NAAA: variants seen among roughly 807,000 people sequenced by gnomAD.
The protein encoded by NAAA is N-acylethanolamine acid amidase.
NAAA carries 39 observed loss-of-function variants against 44.8 expected under a neutral mutation model. That is an observed-to-expected ratio of 0.87 (90% CI 0.67 to 1.14). NAAA has a LOEUF of 1.14. NAAA is among the 50% of genes most tolerant of loss of function. The pLI, the probability that NAAA is intolerant of heterozygous loss-of-function variation, is 0.00. For missense variants in NAAA, 460 were observed against 467.8 expected, an observed-to-expected ratio of 0.98 and a Z score of 0.15; for synonymous variants, 178 against 191.3, an observed-to-expected ratio of 0.93 and a Z score of 0.58.
chr4:75,915,211 G>A (rs529016944), intron 9 of NAAA, among the ~76,000 whole-genome samples: 3 of 152,192 alleles, frequency 2.0e-5, no homozygotes. Flanking sequence ...TAATTAGCTG[G>A]GTGTGGTGGT....
In NAAA at chr4:75,940,981, C is replaced by A; in HGVS notation, c.-32G>T. ...GGCTCCAGCGGCCGCAACTTGGAGACCTGCAGCCGCTGTCGGAGCCCGGGT... is the reference window on the plus strand; with the variant it reads ...GGCTCCAGCGGCCGCAACTTGGAGAACTGCAGCCGCTGTCGGAGCCCGGGT... On this transcript the variant is annotated 5_prime_UTR_variant, in exon 1 of 11. Transcript: ENST00000286733. 6.9e-7 allele frequency: 1 copy of A among 1,442,954 alleles called. No individual in the cohort carries two copies. The highest frequency in any genetic ancestry group is 9.0e-7 in the Non-Finnish European group (1 of 1,108,944). 89.4% of individuals were successfully genotyped at this position (1,442,954 alleles called of 1,614,324 possible). A position where few individuals can be genotyped will look rare whatever the true frequency, so the allele number is the denominator to read the frequency against.
At chr4:75,938,371 G>A (rs1371023379) in intron 2 of NAAA, among the ~76,000 whole-genome samples, 1 of 152,224 alleles carries the variant, frequency 6.6e-6, no homozygotes, top group African/African-American at 2.4e-5. Flanking sequence ...TCCAACAGAT[G>A]AGGGTAAAAA....
chr4:75,919,586 C>T, intron 8 of NAAA: 1 of 407,066 alleles, frequency 2.5e-6, no homozygotes, highest in East Asian at 4.6e-5. Context: ...ACACGCCATT[C>T]TCCTGCCTCA....
At chr4:75,918,616 G>C in intron 9 of NAAA, 145 bp downstream of exon 9, 1 of 729,626 alleles carries the variant, frequency 1.4e-6, no homozygotes, top group Non-Finnish European at 2.4e-6. Flanking sequence ...TTTGCTCGCA[G>C]CTGTACCCAC....
intron 3 of NAAA, among the ~76,000 whole-genome samples, chr4:75,934,609 G>A (rs1727549631): frequency 6.6e-6 from 1 of 151,838 alleles, no homozygotes; most frequent in African/African-American, 2.4e-5. Context: ...TTACAGGCGT[G>A]AGCCACCGCG....
rs190837755 is a variant in NAAA, at chr4:75,934,009, G to A, written c.498+2100C>T. On this transcript the variant is annotated intron_variant, in intron 3 of 10. Transcript: ENST00000286733. ...CGCGCCACTGCACTCCAGCCTGGGT[G>A]ATAGAGCGAGACTCTGTCTCAAAAA... is the stretch of plus-strand genomic sequence containing the variant. 6.5e-3 allele frequency among the ~76,000 whole-genome samples: 988 copies of A among 151,254 alleles called. 6 individuals carry two copies. Among genetic ancestry groups the A allele is most frequent in the African/African-American group, 0.02 (832 of 41,224 alleles).
chr4:75,937,787 C>CA (rs1206263157), intron 2 of NAAA, among the ~76,000 whole-genome samples: 1 of 152,214 alleles, frequency 6.6e-6, no homozygotes, highest in Non-Finnish European at 1.5e-5. Flanking sequence ...TGTGGCCGGC[C>CA]ACCCTCCAAG....
intron 2 of NAAA, among the ~76,000 whole-genome samples, chr4:75,936,919 A>G (rs1415325844): frequency 2.0e-5 from 3 of 152,354 alleles, no homozygotes; most frequent in East Asian, 3.9e-4. Flanking sequence ...AGTATGTCCA[A>G]TACCAGAGGG....
At chr4:75,914,734 G>C (rs1436131623) in intron 10 of NAAA, 134 bp downstream of exon 10, 3 of 596,208 alleles carry the variant, frequency 5.0e-6, no homozygotes, top group African/African-American at 3.7e-5. Flanking sequence ...ATGACAATCT[G>C]ACACAAATGA....
rs753547277 is a variant in NAAA, at chr4:75,939,996, C to T, written c.371+5G>A. On this transcript the variant is annotated splice_donor_5th_base_variant and intron_variant, in intron 2 of 10. Coordinates refer to ENST00000286733, the MANE Select transcript of NAAA (RefSeq NM_014435.4). The stretch of plus-strand genomic sequence containing the variant: ...CGTTACTCCGCGCGGGCTTGGGGCA[C>T]TCACACGGAGGACTCGTAGGCCAGG... 2 of 1,613,378 alleles carry T rather than the reference C, an allele frequency of 1.2e-6. No individual in the cohort carries two copies. The highest frequency in any genetic ancestry group is 1.1e-5 in the South Asian group (1 of 91,070).
chr4:75,939,633 TC>T (rs1207393360), intron 2 of NAAA: 1 of 197,078 alleles, frequency 5.1e-6, no homozygotes, highest in Non-Finnish European at 1.1e-5. Flanking sequence ...GCCAGGCTGA[TC>T]TCGAACTCCT....
chr4:75,939,414 ATTTTTTTTTTT>A (rs377331355), intron 2 of NAAA, among the ~76,000 whole-genome samples: 5 of 137,308 alleles, frequency 3.6e-5, no homozygotes, highest in Non-Finnish European at 6.3e-5. Context: ...TTTGAGCAGA[ATTTTTTTTTTT>A]TTTTTTTTGA....
At chr4:75,930,291 T>C (rs1055893971) in intron 4 of NAAA, among the ~76,000 whole-genome samples, 1 of 152,124 alleles carries the variant, frequency 6.6e-6, no homozygotes, top group Non-Finnish European at 1.5e-5. Flanking sequence ...CTAAATGGTG[T>C]TCCCCTGAGA....
At chr4:75,929,645 G>A (rs1429218183) in intron 4 of NAAA, among the ~76,000 whole-genome samples, 1 of 152,100 alleles carries the variant, frequency 6.6e-6, no homozygotes, top group African/African-American at 2.4e-5. Context: ...TGTGGTTTGG[G>A]TACCACAGGT....
In NAAA at chr4:75,940,015, G is replaced by T. The variant is rs544480483; in HGVS notation, c.357C>A (p.Ala119=). 1.1e-5 allele frequency: 18 copies of T among 1,613,930 alleles called. No individual in the cohort carries two copies. The East Asian group carries it at 3.8e-4, about 34-fold the overall frequency. The change falls in exon 2 of 11, where the codon GCC becomes GCA. Residue 119 remains alanine (A), a synonymous_variant. Transcript: ENST00000286733. ...SLADCLLVNL[A]YESSVFCTSI... ...GGGGCACTCACACGGAGGACTCGTA[G>T]GCCAGGTTGACCAGAAGGCAGTCCG...
chr4:75,918,716 G>A (rs775049348), intron 9 of NAAA, 45 bp downstream of exon 9: 8 of 1,597,990 alleles, frequency 5.0e-6, no homozygotes, highest in South Asian at 1.1e-5. Context: ...TGAGTTCACT[G>A]TTCTGGAGTG....
At position 75,921,096 on chromosome 4, in the gene NAAA, C is replaced by G; in HGVS notation, c.694G>C (p.Ala232Pro). Residue 232 changes from alanine to proline, a missense_variant, in exon 6 of 11, where the codon GCA becomes CCA. By Grantham distance (27) the Ala-to-Pro change is conservative (BLOSUM62 -1). Coordinates refer to ENST00000286733, the MANE Select transcript of NAAA (RefSeq NM_014435.4). Reference sequence around the variant, plus strand: ...GTCTTGGCCAACTTGCCAACAGCTGCTTCGAAGTTTTCCGACTCACTCAGG... The same window carrying G: ...GTCTTGGCCAACTTGCCAACAGCTGGTTCGAAGTTTTCCGACTCACTCAGG... ...ATLSESENFEAAVGKLAKTPL... is the reference protein window; with the variant it reads ...ATLSESENFEPAVGKLAKTPL... The G allele has an allele frequency of 1.3e-6, 2 of 1,583,992 alleles. No homozygotes were observed. Among genetic ancestry groups the G allele is most frequent in the Non-Finnish European group, 1.7e-6 (2 of 1,170,864 alleles).
At chr4:75,914,539 A>G (rs186337840) in intron 10 of NAAA, among the ~76,000 whole-genome samples, 150 of 152,004 alleles carry the variant, frequency 9.9e-4, no homozygotes, top group African/African-American at 3.5e-3. Flanking sequence ...ACACCTGGCT[A>G]ACAGTTTTTT....
chr4:75,940,916 G>A lies in NAAA; in HGVS notation c.34C>T (p.Leu12Phe). ...RTADREARPG[L>F]PSLLLLLLAG... ...AGCAGCAGCAGCAGCAGGGACGGAA[G>A]CCCCGGGCGCGCCTCCCGGTCCGCG... The change falls in exon 1 of 11, where the codon CTT becomes TTT. Residue 12 changes from leucine (L) to phenylalanine (F), a missense_variant. Leu to Phe is a conservative substitution (Grantham distance 22, BLOSUM62 0). Transcript: ENST00000286733. 6.6e-7 allele frequency: 1 copy of A among 1,507,154 alleles called. No individual in the cohort carries two copies. The highest frequency in any genetic ancestry group is 8.8e-7 in the Non-Finnish European group (1 of 1,136,550). 93.4% of individuals were successfully genotyped at this position (1,507,154 alleles called of 1,614,324 possible).
Sources: gnomAD v4.1 joint callset for allele counts (sites outside exome capture counted in the v4.1 genomes callset) on GRCh38, gnomAD v4.1.1 for gene constraint, MANE v1.5 for transcripts, NCBI Gene and HGNC (gene_info 2026-07-23, HGNC 2026-07-21) for gene names.